SGCZ: variants seen among roughly 807,000 people sequenced by gnomAD.
SGCZ encodes sarcoglycan zeta.
A neutral mutation model predicts 41.3 loss-of-function variants in SGCZ; 40 were observed. The observed-to-expected ratio is 0.97, with a 90% CI of 0.75 to 1.26. The LOEUF is 1.26. Ranked by LOEUF, SGCZ falls within the 50% of genes most tolerant of loss-of-function variation. SGCZ has a pLI of 0.00. For missense variants in SGCZ, 552 were observed against 369.8 expected, an observed-to-expected ratio of 1.49 and a Z score of -4.04; for synonymous variants, 206 against 137.5, an observed-to-expected ratio of 1.50 and a Z score of -3.49.
intron 2 of SGCZ, among the ~76,000 whole-genome samples, chr8:14,538,926 C>T (rs143269196): frequency 3.9e-5 from 6 of 151,918 alleles, no homozygotes; most frequent in East Asian, 3.9e-4. Flanking sequence ...ATTTAAATTA[C>T]GTGATGGTTA....
intron 1 of SGCZ, among the ~76,000 whole-genome samples, chr8:15,116,035 AGCC>A (rs1807256608): frequency 6.6e-6 from 1 of 152,210 alleles, no homozygotes; most frequent in Non-Finnish European, 1.5e-5. Flanking sequence ...GATTAAAAAC[AGCC>A]ATAAACAATA....
chr8:14,600,972 T>G (rs1159217273), intron 1 of SGCZ, among the ~76,000 whole-genome samples: 1 of 151,254 alleles, frequency 6.6e-6, no homozygotes. Context: ...ATACATTTCC[T>G]TATACTTTTA....
intron 2 of SGCZ, among the ~76,000 whole-genome samples, chr8:14,338,072 G>A (rs777751054): frequency 6.6e-6 from 1 of 152,316 alleles, no homozygotes; most frequent in Non-Finnish European, 1.5e-5. Context: ...GGATGCACAG[G>A]AGACTTAAGG....
At chr8:14,327,592 AAG>A (rs1030364605) in intron 2 of SGCZ, among the ~76,000 whole-genome samples, 12 of 152,212 alleles carry the variant, frequency 7.9e-5, no homozygotes, top group African/African-American at 2.7e-4. Flanking sequence ...GGCTGGAAAT[AAG>A]AGGACTGGGC....
At chr8:14,808,973 C>T (rs10106336) in intron 1 of SGCZ, among the ~76,000 whole-genome samples, 17,151 of 149,682 alleles carry the variant, frequency 0.11, 1,405 homozygotes, top group African/African-American at 0.23. Context: ...AGTAAACTAT[C>T]GCAAGAACAA....
intron 1 of SGCZ, among the ~76,000 whole-genome samples, chr8:14,787,918 C>T (rs975032674): frequency 1.3e-5 from 2 of 152,064 alleles, no homozygotes; most frequent in South Asian, 4.1e-4. Context: ...TCAAAGATAA[C>T]TATGATTGAG....
At chr8:14,159,735 G>A (rs983755799) in intron 5 of SGCZ, among the ~76,000 whole-genome samples, 1 of 152,226 alleles carries the variant, frequency 6.6e-6, no homozygotes, top group Non-Finnish European at 1.5e-5. Flanking sequence ...GAGTGTTACC[G>A]CATTCTTGGC....
chr8:14,390,216 T>C (rs866678191), intron 2 of SGCZ, among the ~76,000 whole-genome samples: 3 of 152,086 alleles, frequency 2.0e-5, no homozygotes, highest in South Asian at 2.1e-4. Flanking sequence ...ATTCTAGCAA[T>C]AAGTAATAAT....
intron 1 of SGCZ, among the ~76,000 whole-genome samples, chr8:14,925,009 C>T (rs951051006): frequency 1.3e-5 from 2 of 151,968 alleles, no homozygotes; most frequent in African/African-American, 4.8e-5. Context: ...AGGTGCGGGC[C>T]TCAATGCCCG....
At chr8:14,400,301 A>G (rs1048548417) in intron 2 of SGCZ, among the ~76,000 whole-genome samples, 2 of 152,180 alleles carry the variant, frequency 1.3e-5, no homozygotes, top group African/African-American at 4.8e-5. Flanking sequence ...GGCTATTAAG[A>G]ATAATACACA....
chr8:14,498,260 C>G (rs1174728472), intron 2 of SGCZ, among the ~76,000 whole-genome samples: 1 of 151,968 alleles, frequency 6.6e-6, no homozygotes, highest in Non-Finnish European at 1.5e-5. Context: ...TATAGTTCTT[C>G]TAGAGTTTAA....
chr8:15,166,904 G>T (rs1799681845), intron 1 of SGCZ, among the ~76,000 whole-genome samples: 1 of 152,196 alleles, frequency 6.6e-6, no homozygotes, highest in East Asian at 1.9e-4. Flanking sequence ...TTCACAAAGA[G>T]CTGAAATGTT....
intron 1 of SGCZ, among the ~76,000 whole-genome samples, chr8:15,000,504 A>G (rs918683337): frequency 6.6e-6 from 1 of 152,162 alleles, no homozygotes; most frequent in Admixed American, 6.5e-5. Flanking sequence ...TGTAAAGTTG[A>G]GCTGCAGACA....
At chr8:14,814,474 C>T (rs1462807213) in intron 1 of SGCZ, among the ~76,000 whole-genome samples, 3 of 152,120 alleles carry the variant, frequency 2.0e-5, no homozygotes, top group Non-Finnish European at 4.4e-5. Context: ...CAAAAGGCAC[C>T]GGAGGCTCCT....
At chr8:14,185,327 A>G (rs989068136) in intron 4 of SGCZ, among the ~76,000 whole-genome samples, 10 of 152,114 alleles carry the variant, frequency 6.6e-5, no homozygotes, top group African/African-American at 2.4e-4. Flanking sequence ...AGCTTGAACC[A>G]GGGAGGCGTA....
chr8:14,450,620 T>A (rs565059210), intron 2 of SGCZ, among the ~76,000 whole-genome samples: 1 of 152,304 alleles, frequency 6.6e-6, no homozygotes, highest in Non-Finnish European at 1.5e-5. Context: ...TCAGACCAAT[T>A]TTTTAAAAAA....
At chr8:14,232,881 C>T (rs749086602) in intron 4 of SGCZ, among the ~76,000 whole-genome samples, 21 of 152,134 alleles carry the variant, frequency 1.4e-4, no homozygotes, top group African/African-American at 4.8e-4. Context: ...GTTTTAAGCA[C>T]ACTCTAAAAC....
At chr8:14,795,738 A>G (rs1302072960) in intron 1 of SGCZ, among the ~76,000 whole-genome samples, 1 of 152,106 alleles carries the variant, frequency 6.6e-6, no homozygotes, top group Non-Finnish European at 1.5e-5. Context: ...AACTTGTCTC[A>G]TGGAGGTTTG....
chr8:14,348,303 C>T (rs548255892), intron 2 of SGCZ, among the ~76,000 whole-genome samples: 2 of 152,206 alleles, frequency 1.3e-5, no homozygotes, highest in East Asian at 1.9e-4. Context: ...AGCTTGAATC[C>T]AGACATCTCC....
Sources: allele counts gnomAD v4.1 joint callset (sites outside exome capture counted in the v4.1 genomes callset), GRCh38; gene constraint gnomAD v4.1.1; transcripts MANE v1.5; gene names NCBI Gene and HGNC (gene_info 2026-07-23, HGNC 2026-07-21).